The following SRSF6 variants were observed in gnomAD, a reference collection of about 807,000 sequenced individuals.
SRSF6 encodes the protein serine/arginine-rich splicing factor 6.
A neutral mutation model predicts 42.0 loss-of-function variants in SRSF6; 17 were observed. That is an observed-to-expected ratio of 0.40 (90% confidence interval 0.28 to 0.61). SRSF6 has a LOEUF of 0.61. Ranked by LOEUF, SRSF6 falls within the 20% of genes least tolerant of loss-of-function variation. The probability of loss-of-function intolerance (pLI) is 0.37; values close to 1 mark genes in which losing one functional copy is unlikely to be tolerated. For synonymous variants in SRSF6, 204 were observed against 166.7 expected (o/e 1.22, Z -1.72); for missense variants, 379 against 471.4 (o/e 0.80, Z 1.81).
chr20:43,460,411 T>TTTA, intron 4 of SRSF6, 104 bp from the exon 5 acceptor site: 1 of 1,399,152 alleles, frequency 7.1e-7, no homozygotes, highest in Non-Finnish European at 1.0e-6. Context: ...TTTAATTTCG[T>TTTA]AGTAAAGAAA....
chr20:43,458,217 C>G (rs998229995), intron 1 of SRSF6, 77 bp downstream of exon 1: 8 of 1,494,266 alleles, frequency 5.4e-6, no homozygotes, highest in Non-Finnish European at 7.2e-6. Context: ...AAGAAGCGGC[C>G]AAGGCCGCGG....
chr20:43,460,387 T>C (rs1157179725), intron 4 of SRSF6, 128 bp from the exon 5 acceptor site: 4 of 1,371,974 alleles, frequency 2.9e-6, no homozygotes, highest in Non-Finnish European at 3.1e-6. Context: ...TTTCTGGATG[T>C]TTTGAACAGT....
At chr20:43,460,653 A>G (rs1600861918) in intron 5 of SRSF6, 50 bp from the exon 6 acceptor site, 3 of 1,613,002 alleles carry the variant, frequency 1.9e-6, no homozygotes, top group East Asian at 4.5e-5. Context: ...TTTATGGAGT[A>G]TGTGTACATT....
rs923353812 is a variant in SRSF6, at chr20:43,462,167, T to G, written c.*1104T>G. On this transcript the variant is annotated 3_prime_UTR_variant, in exon 6 of 6. Coordinates refer to ENST00000244020, the MANE Select transcript of SRSF6 (RefSeq NM_006275.6). ...AATTGGTTAGATCATACTTGTAAAT[T>G]TTAATGCTTTGTGTAATTGGTTTGA... is the stretch of plus-strand genomic sequence containing the variant. 3 of 152,212 alleles carry G rather than the reference T, an allele frequency of 2.0e-5. No homozygotes were observed. The highest frequency in any genetic ancestry group is 7.2e-5 in the African/African-American group (3 of 41,452). 9.4% of individuals were successfully genotyped at this position (152,212 alleles called of 1,614,324 possible). A position where few individuals can be genotyped will look rare whatever the true frequency, so the allele number is the denominator to read the frequency against.
In SRSF6 at chr20:43,461,346, T is replaced by TTTTTTTTTG. The variant is rs2017593065; in HGVS notation, c.*291_*292insGTTTTTTTT. The TTTTTTTTTG allele has an allele frequency of 2.1e-5, 1 of 48,202 alleles. No homozygotes were observed. The highest frequency in any genetic ancestry group is 7.6e-5 in the African/African-American group (1 of 13,142). 3.0% of individuals were successfully genotyped at this position (48,202 alleles called of 1,614,324 possible). ...AAGCTCATTTAGTGTTGTTTTTTTT[T>TTTTTTTTTG]TTTTTTTTTTTTTTTTTTTTTTTTT... On this transcript the variant is annotated 3_prime_UTR_variant, in exon 6 of 6. Coordinates refer to ENST00000244020, the MANE Select transcript of SRSF6 (RefSeq NM_006275.6).
rs543875215 is a variant in SRSF6, at chr20:43,461,192, T to G, written c.*129T>G. 3.2e-5 allele frequency: 43 copies of G among 1,340,596 alleles called. No homozygotes were observed. In the African/African-American group the frequency reaches 3.4e-4, roughly 11 times the overall value. 83.0% of individuals were successfully genotyped at this position (1,340,596 alleles called of 1,614,324 possible). A position where few individuals can be genotyped will look rare whatever the true frequency, so the allele number is the denominator to read the frequency against. ...AACAGGGGCACACAGAAATTTGATTTGTGGCCAAATTGGATGAAAAAGATG... is the reference window on the plus strand; with the variant it reads ...AACAGGGGCACACAGAAATTTGATTGGTGGCCAAATTGGATGAAAAAGATG... On this transcript the variant is annotated 3_prime_UTR_variant, in exon 6 of 6. Transcript: ENST00000244020.
In SRSF6 at chr20:43,458,022, C is replaced by G. The variant is rs774722452; in HGVS notation, c.-12C>G. 2.5e-6 allele frequency: 4 copies of G among 1,607,458 alleles called. No individual in the cohort carries two copies. The highest frequency in any genetic ancestry group is 3.4e-6 in the Non-Finnish European group (4 of 1,177,068). On this transcript the variant is annotated 5_prime_UTR_variant, in exon 1 of 6. Transcript: ENST00000244020. ...TCGACAACCAGCCCTTGGGTCCCCGCCCGCCACGGACATGCCGCGCGTCTA... is the reference window on the plus strand; with the variant it reads ...TCGACAACCAGCCCTTGGGTCCCCGGCCGCCACGGACATGCCGCGCGTCTA...
At position 43,463,520 on chromosome 20, in the gene SRSF6, G is replaced by A. The variant is rs752264961; in HGVS notation, c.*2457G>A. On this transcript the variant is annotated 3_prime_UTR_variant, in exon 6 of 6. Coordinates refer to ENST00000244020, the MANE Select transcript of SRSF6 (RefSeq NM_006275.6). ...GAGTCCTGCCTACTTTGACTTTTAC[G>A]TTCCCATTCCTGTGTTACCACCTTC... The A allele has an allele frequency of 1.3e-5, 2 of 152,828 alleles. No homozygotes were observed. Among genetic ancestry groups the A allele is most frequent in the Admixed American group, 6.5e-5 (1 of 15,272 alleles). 9.5% of individuals were successfully genotyped at this position (152,828 alleles called of 1,614,324 possible). A position where few individuals can be genotyped will look rare whatever the true frequency, so the allele number is the denominator to read the frequency against.
At position 43,462,447 on chromosome 20, in the gene SRSF6, T is replaced by C. The variant is rs1488009443; in HGVS notation, c.*1384T>C. 2.6e-5 allele frequency: 4 copies of C among 152,210 alleles called. No individual in the cohort carries two copies. Among genetic ancestry groups the C allele is most frequent in the Non-Finnish European group, 4.4e-5 (3 of 68,036 alleles). 9.4% of individuals were successfully genotyped at this position (152,210 alleles called of 1,614,324 possible). A position where few individuals can be genotyped will look rare whatever the true frequency, so the allele number is the denominator to read the frequency against. On this transcript the variant is annotated 3_prime_UTR_variant, in exon 6 of 6. Transcript: ENST00000244020. ...TTAATCTTAGTCTGAAATCAAAATA[T>C]AGATTAATTGGCTCAGCTTTAATAC... is the stretch of plus-strand genomic sequence containing the variant.
Position 43,463,760 on chromosome 20 carries a change from G to A in SRSF6, c.*2697G>A, listed in dbSNP as rs570793052. The stretch of plus-strand genomic sequence containing the variant: ...CCCAGAAACGTGAGTTTGGGATTTA[G>A]TATATGGTTTATGTTGGGCAACTCA... On this transcript the variant is annotated 3_prime_UTR_variant, in exon 6 of 6. Transcript: ENST00000244020. 6.6e-6 allele frequency: 1 copy of A among 152,356 alleles called. No individual in the cohort carries two copies. The highest frequency in any genetic ancestry group is 2.1e-4 in the South Asian group (1 of 4,828). 9.4% of individuals were successfully genotyped at this position (152,356 alleles called of 1,614,324 possible). A position where few individuals can be genotyped will look rare whatever the true frequency, so the allele number is the denominator to read the frequency against.
At chr20:43,460,395 A>G (rs2017564732) in intron 4 of SRSF6, 120 bp from the exon 5 acceptor site, 14 of 1,370,968 alleles carry the variant, frequency 1.0e-5, no homozygotes, top group Middle Eastern at 1.8e-4. Flanking sequence ...TGTTTTGAAC[A>G]GTGTATTTAA....
intron 2 of SRSF6, among the ~76,000 whole-genome samples, chr20:43,458,812 ATTC>A (rs2017541595): frequency 7.3e-6 from 1 of 136,492 alleles, no homozygotes; most frequent in African/African-American, 2.8e-5. Context: ...TATTTGTTGT[ATTC>A]TCCTTACTTA....
At chr20:43,458,938 A>G (rs2017543937) in intron 2 of SRSF6, among the ~76,000 whole-genome samples, 1 of 152,020 alleles carries the variant, frequency 6.6e-6, no homozygotes, top group South Asian at 2.1e-4. Context: ...AAGCTATGGA[A>G]CTTGATGGGG....
chr20:43,460,000 A>C, intron 3 of SRSF6, 33 bp from the exon 4 acceptor site: 1 of 1,613,792 alleles, frequency 6.2e-7, no homozygotes, highest in Non-Finnish European at 8.5e-7. Context: ...AGATGTTTTA[A>C]GATTTCCGAG....
At position 43,461,491 on chromosome 20, in the gene SRSF6, A is replaced by G. The variant is rs1375515616; in HGVS notation, c.*428A>G. The G allele has an allele frequency of 6.5e-6, 1 of 154,034 alleles. No individual in the cohort carries two copies. Among genetic ancestry groups the G allele is most frequent in the Non-Finnish European group, 1.4e-5 (1 of 69,438 alleles). 9.5% of individuals were successfully genotyped at this position (154,034 alleles called of 1,614,324 possible). ...CTTTAGAGGGAGAACCCAATTTTCAATTATGTTGGCTTTTTATAAAGCTTG... is the reference window on the plus strand; with the variant it reads ...CTTTAGAGGGAGAACCCAATTTTCAGTTATGTTGGCTTTTTATAAAGCTTG... On this transcript the variant is annotated 3_prime_UTR_variant, in exon 6 of 6. Coordinates refer to ENST00000244020, the MANE Select transcript of SRSF6 (RefSeq NM_006275.6).
chr20:43,458,539 C>G, intron 2 of SRSF6, 30 bp downstream of exon 2: 14 of 1,461,244 alleles, frequency 9.6e-6, no homozygotes, highest in Non-Finnish European at 1.2e-5. Context: ...GCTCCGCGCC[C>G]TTGGGGACCC....
intron 1 of SRSF6, 91 bp from the exon 2 acceptor site, chr20:43,458,270 G>T (rs917036867): frequency 1.4e-6 from 2 of 1,397,698 alleles, no homozygotes; most frequent in East Asian, 2.9e-5. Context: ...GCGCGGCGTC[G>T]CGGGGGCGCG....
rs372789415 is a variant in SRSF6, at chr20:43,459,998, T to C, written c.382-35T>C. ...AATTTATTATGGTATATAGATGTTT[T>C]AAGATTTCCGAGTCTGACCAATCTT... On this transcript the variant is annotated intron_variant, in intron 3 of 5. Coordinates refer to ENST00000244020, the MANE Select transcript of SRSF6 (RefSeq NM_006275.6). The C allele has an allele frequency of 8.7e-6, 14 of 1,613,568 alleles. No individual in the cohort carries two copies. In the African/African-American group the frequency reaches 1.3e-4, roughly 15 times the overall value.
chr20:43,459,548 G>A, intron 2 of SRSF6: 1 of 1,304,788 alleles, frequency 7.7e-7, no homozygotes, highest in Non-Finnish European at 1.0e-6. Flanking sequence ...TAAAGGAGCA[G>A]TCACTCTCTA....
Sources: allele counts gnomAD v4.1 joint callset (sites outside exome capture counted in the v4.1 genomes callset), GRCh38; gene constraint gnomAD v4.1.1; transcripts MANE v1.5; gene names NCBI Gene and HGNC (gene_info 2026-07-23, HGNC 2026-07-21).